PRKDC: variants seen among roughly 807,000 people sequenced by gnomAD.
PRKDC encodes DNA-dependent protein kinase catalytic subunit.
A neutral mutation model predicts 486.9 loss-of-function variants in PRKDC; 82 were observed. The observed-to-expected ratio is 0.17, with a 90% CI of 0.14 to 0.20. The LOEUF (loss-of-function observed/expected upper bound fraction) is 0.20, where lower values mean the gene tolerates loss of function less well. Ranked by LOEUF, PRKDC falls within the 10% of genes least tolerant of loss-of-function variation. The probability of loss-of-function intolerance (pLI) is 1.00; values close to 1 mark genes in which losing one functional copy is unlikely to be tolerated. For missense variants in PRKDC, 4,504 were observed against 5,038.2 expected (o/e 0.89, Z 3.21); for synonymous variants, 1,895 against 1,837.0 (o/e 1.03, Z -0.81).
chr8:47,915,439 A>T (rs1173657070), intron 22 of PRKDC, 21 bp from the exon 23 acceptor site: 1 of 1,329,662 alleles, frequency 7.5e-7, no homozygotes, highest in Non-Finnish European at 1.0e-6. Flanking sequence ...GAACAATTGT[A>T]TATATGTGAT....
chr8:47,820,670 T>C (rs1199584199), intron 66 of PRKDC, 49 bp downstream of exon 66: 1 of 931,494 alleles, frequency 1.1e-6, no homozygotes, highest in African/African-American at 1.7e-5. Context: ...TTATAATATA[T>C]ATATACACTA....
At position 47,957,199 on chromosome 8, in the gene PRKDC, T is replaced by C; in HGVS notation, c.296A>G (p.Lys99Arg). 1 of 1,596,270 alleles carries C rather than the reference T, an allele frequency of 6.3e-7. No individual in the cohort carries two copies. The highest frequency in any genetic ancestry group is 8.6e-7 in the Non-Finnish European group (1 of 1,166,084). ...AATTTCAACAGAGTAAGGTGCGATC[T>C]TCTGGCCCATTTTTTCTAAGAAAAT... is the stretch of plus-strand genomic sequence containing the variant. ...LCIFLEKMGQ[K>R]IAPYSVEIKN... The change falls in exon 3 of 86, where the codon AAG becomes AGG. Residue 99 changes from lysine to arginine, a missense_variant. Physicochemically the swap from Lys to Arg is conservative, Grantham distance 26. Coordinates refer to ENST00000314191, the MANE Select transcript of PRKDC (RefSeq NM_006904.7).
At chr8:47,861,002 A>G in intron 44 of PRKDC, 31 bp from the exon 45 acceptor site, 2 of 1,424,686 alleles carry the variant, frequency 1.4e-6, no homozygotes, top group South Asian at 2.7e-5. Flanking sequence ...ACAATGTAAA[A>G]CATTTTATAA....
At chr8:47,823,317 T>C (rs1007835371) in intron 64 of PRKDC, among the ~76,000 whole-genome samples, 1 of 151,914 alleles carries the variant, frequency 6.6e-6, no homozygotes, top group Non-Finnish European at 1.5e-5. Flanking sequence ...AGACTCTGCC[T>C]CTAAATAAAT....
chr8:47,866,364 T>G (rs1361479448), intron 40 of PRKDC, among the ~76,000 whole-genome samples: 1 of 152,174 alleles, frequency 6.6e-6, no homozygotes, highest in Non-Finnish European at 1.5e-5. Context: ...CACTCTGTGC[T>G]ATTCTGCTAT....
chr8:47,958,958 T>A (rs1029256436), intron 1 of PRKDC, among the ~76,000 whole-genome samples: 5 of 152,068 alleles, frequency 3.3e-5, no homozygotes, highest in African/African-American at 1.2e-4. Flanking sequence ...TTGGTCTCCA[T>A]CTCCTGACCT....
At position 47,927,659 on chromosome 8, in the gene PRKDC, C is replaced by T. The variant is rs538978732; in HGVS notation, c.2259+112G>A. ...GCAGAAGCAGACCCTGACCCGGGCA[C>T]GCCTGTGAGGAAACGCCTGCTGGGA... On this transcript the variant is annotated intron_variant, in intron 20 of 85. Transcript: ENST00000314191. 4.4e-5 allele frequency: 58 copies of T among 1,316,186 alleles called. No individual in the cohort carries two copies. In the South Asian group the frequency reaches 5.8e-4, roughly 13 times the overall value. The allele number at this position is 1,316,186 out of a possible 1,614,324, so 81.5% of individuals were successfully genotyped here.
In PRKDC at chr8:47,819,570, G is replaced by C; in HGVS notation, c.9337-60C>G. On this transcript the variant is annotated intron_variant, in intron 66 of 85. Transcript: ENST00000314191. ...AAATGCCATGTTATAAATCAATCAAGCTGTGACTTTAAGTTTTTAACAGTA... is the reference window on the plus strand; with the variant it reads ...AAATGCCATGTTATAAATCAATCAACCTGTGACTTTAAGTTTTTAACAGTA... The C allele has an allele frequency of 5.5e-6, 5 of 907,398 alleles. No homozygotes were observed. The South Asian group carries it at 1.1e-4, about 20-fold the overall frequency. The allele number at this position is 907,398 out of a possible 1,614,324, so 56.2% of individuals were successfully genotyped here.
intron 54 of PRKDC, among the ~76,000 whole-genome samples, chr8:47,842,994 ATC>A (rs2088183178): frequency 6.6e-6 from 1 of 152,086 alleles, no homozygotes; most frequent in African/African-American, 2.4e-5. Flanking sequence ...ATGAAACCCC[ATC>A]TCTGCAAAAA....
intron 40 of PRKDC, among the ~76,000 whole-genome samples, chr8:47,870,771 G>C (rs2088933488): frequency 6.6e-6 from 1 of 152,158 alleles, no homozygotes. Context: ...ACAGAGATAT[G>C]TCACCTTTCA....
At chr8:47,928,534 T>C (rs927640529) in intron 19 of PRKDC, among the ~76,000 whole-genome samples, 17 of 151,900 alleles carry the variant, frequency 1.1e-4, no homozygotes, top group South Asian at 6.2e-4. Context: ...CAAACACATT[T>C]TTATTTTTAT....
intron 23 of PRKDC, among the ~76,000 whole-genome samples, chr8:47,914,342 G>T (rs185160019): frequency 1.2e-4 from 18 of 151,968 alleles, no homozygotes; most frequent in African/African-American, 4.3e-4. Context: ...TTTTGTAGAA[G>T]AAAGTCAATG....
chr8:47,828,438 G>A, intron 61 of PRKDC, 91 bp from the exon 62 acceptor site: 1 of 1,067,826 alleles, frequency 9.4e-7, no homozygotes, highest in East Asian at 2.5e-5. Context: ...AATACAAACT[G>A]TTGCAAACAC....
At chr8:47,829,759 G>A (rs556763486) in intron 61 of PRKDC, among the ~76,000 whole-genome samples, 57 of 152,096 alleles carry the variant, frequency 3.7e-4, no homozygotes, top group African/African-American at 1.3e-3. Flanking sequence ...AAACACTGCC[G>A]AAAGAAATCA....
intron 7 of PRKDC, among the ~76,000 whole-genome samples, chr8:47,952,931 G>C (rs909093421): frequency 6.6e-6 from 1 of 151,480 alleles, no homozygotes; most frequent in Non-Finnish European, 1.5e-5. Context: ...TTTGAGGTCA[G>C]GAGTTCGAAA....
chr8:47,807,273 T>C lies in PRKDC; in HGVS notation c.9611A>G (p.Asn3204Ser), dbSNP rs768590865. 1.9e-6 allele frequency: 3 copies of C among 1,610,452 alleles called. No individual in the cohort carries two copies. The highest frequency in any genetic ancestry group is 4.5e-5 in the East Asian group (2 of 44,758). Residue 3204 changes from asparagine (N) to serine (S), a missense_variant, in exon 69 of 86, where the codon AAT (asparagine) becomes AGT (serine). By Grantham distance (46) the Asn-to-Ser change is conservative (BLOSUM62 1). Around this residue, in one of 6 missense-constraint regions of PRKDC, gnomAD observed 1,592 missense variants for 1,724.6 expected, o/e 0.92. Coordinates refer to ENST00000314191, the MANE Select transcript of PRKDC (RefSeq NM_006904.7). ...EEKLTPLPED[N>S]SMNVDQDGDP... ...TCCATCTTGATCCACATTCATACTATTATCTTCTGGAAGAGGGGTAAGCTT... is the reference window on the plus strand; with the variant it reads ...TCCATCTTGATCCACATTCATACTACTATCTTCTGGAAGAGGGGTAAGCTT...
chr8:47,949,085 A>C (rs996671726), intron 7 of PRKDC, among the ~76,000 whole-genome samples: 1 of 152,180 alleles, frequency 6.6e-6, no homozygotes, highest in African/African-American at 2.4e-5. Context: ...TCACTTCTCC[A>C]GCCTCCAGAG....
intron 74 of PRKDC, among the ~76,000 whole-genome samples, chr8:47,790,957 TACAAAA>T (rs933391953): frequency 6.6e-6 from 1 of 151,832 alleles, no homozygotes; most frequent in African/African-American, 2.4e-5. Context: ...CCAATAAAAC[TACAAAA>T]ACAAAAACAA....
intron 63 of PRKDC, among the ~76,000 whole-genome samples, chr8:47,825,295 G>A (rs1233453805): frequency 6.6e-6 from 1 of 152,110 alleles, no homozygotes; most frequent in Non-Finnish European, 1.5e-5. Flanking sequence ...CAGCACTTTG[G>A]GAGGCCGGGG....
Sources: gnomAD v4.1 joint callset for allele counts (sites outside exome capture counted in the v4.1 genomes callset) on GRCh38, gnomAD v4.1.1 for gene constraint, gnomAD v4.1.1 regional missense constraint, MANE v1.5 for transcripts, NCBI Gene and HGNC (gene_info 2026-07-23, HGNC 2026-07-21) for gene names.